PSKH2: variants seen among roughly 807,000 people sequenced by gnomAD.
PSKH2 encodes protein serine kinase H2.
PSKH2 carries 16 observed loss-of-function variants against 22.5 expected under a neutral mutation model. The ratio of observed to expected loss-of-function variants is 0.71; its 90% CI spans 0.48 to 1.08. PSKH2 has a LOEUF of 1.08. Among genes scored for constraint, PSKH2 ranks in the 50% least tolerant of loss-of-function variants. The pLI, the probability that PSKH2 is intolerant of heterozygous loss-of-function variation, is 0.00. For synonymous variants in PSKH2, 188 were observed against 184.8 expected, an observed-to-expected ratio of 1.02 and a Z score of -0.14; for missense variants, 516 against 492.8, an observed-to-expected ratio of 1.05 and a Z score of -0.44.
At chr8:86,053,434 C>T (rs866585340) in intron 2 of PSKH2, among the ~76,000 whole-genome samples, 5 of 152,140 alleles carry the variant, frequency 3.3e-5, no homozygotes, top group Non-Finnish European at 7.3e-5. Flanking sequence ...CTTTATCTAG[C>T]GGTCACACAT....
In PSKH2 at chr8:86,048,424, T is replaced by G; in HGVS notation, c.*38A>C. 6.5e-7 allele frequency: 1 copy of G among 1,534,310 alleles called. No individual in the cohort carries two copies. The highest frequency in any genetic ancestry group is 8.9e-7 in the Non-Finnish European group (1 of 1,120,594). ...GGGTGCCCTAATCATGATGAAATGG[T>G]CCTAAAATAGGCAAAAATAGTTTTA... On this transcript the variant is annotated 3_prime_UTR_variant, in exon 3 of 3. Transcript: ENST00000276616.
At position 86,047,153 on chromosome 8, in the gene PSKH2, A is replaced by G. The variant is rs1416901258; in HGVS notation, c.*1309T>C. On this transcript the variant is annotated 3_prime_UTR_variant, in exon 3 of 3. Transcript: ENST00000276616. ...TTTTATTTTCATTTTGTAAATTACA[A>G]ATGAAATGAAGCATTTTTTTCATTT... 6.6e-6 allele frequency among the ~76,000 whole-genome samples: 1 copy of G among 152,228 alleles called. No individual in the cohort carries two copies. The highest frequency in any genetic ancestry group is 1.5e-5 in the Non-Finnish European group (1 of 68,040).
chr8:86,056,978 G>A (rs1817706514), intron 2 of PSKH2, among the ~76,000 whole-genome samples: 1 of 149,736 alleles, frequency 6.7e-6, no homozygotes, highest in South Asian at 2.1e-4. Flanking sequence ...CTGTTACCCA[G>A]AAGACTGGAG....
Position 86,048,668 on chromosome 8 carries a change from G to T in PSKH2, c.952C>A (p.Pro318Thr), listed in dbSNP as rs143875162. ...CCTGCAGCCATGGTGATCACCCAGGGATGGTCCAGGGCCTGGCCAGCTGAC... is the reference window on the plus strand; with the variant it reads ...CCTGCAGCCATGGTGATCACCCAGGTATGGTCCAGGGCCTGGCCAGCTGAC... ...RMSAGQALDHPWVITMAAGSS... is the reference protein window; with the variant it reads ...RMSAGQALDHTWVITMAAGSS... The change falls in exon 3 of 3, where the codon CCC becomes ACC. Residue 318 changes from proline to threonine, a missense_variant. By Grantham distance (38) the Pro-to-Thr change is conservative. Transcript: ENST00000276616. 2.5e-6 allele frequency: 4 copies of T among 1,614,006 alleles called. No homozygotes were observed. Among genetic ancestry groups the T allele is most frequent in the Non-Finnish European group, 3.4e-6 (4 of 1,180,016 alleles).
chr8:86,048,384 G>A lies in PSKH2; in HGVS notation c.*78C>T. 9.6e-7 allele frequency: 1 copy of A among 1,038,240 alleles called. No individual in the cohort carries two copies. Among genetic ancestry groups the A allele is most frequent in the Non-Finnish European group, 1.4e-6 (1 of 696,992 alleles). 64.3% of individuals were successfully genotyped at this position (1,038,240 alleles called of 1,614,324 possible). A position where few individuals can be genotyped will look rare whatever the true frequency, so the allele number is the denominator to read the frequency against. ...ATCCAACAATACCATGGAGTCCCGT[G>A]TCTTTGGAGCTTGAGGGTGCCCTAA... On this transcript the variant is annotated 3_prime_UTR_variant, in exon 3 of 3. Coordinates refer to ENST00000276616, the MANE Select transcript of PSKH2 (RefSeq NM_033126.3).
chr8:86,063,387 CA>C (rs1462037144), intron 2 of PSKH2, among the ~76,000 whole-genome samples: 1 of 152,106 alleles, frequency 6.6e-6, no homozygotes, highest in Admixed American at 6.5e-5. Flanking sequence ...CCCAAAACAA[CA>C]AAAAAGTTAA....
At chr8:86,057,411 T>C (rs559685082) in intron 2 of PSKH2, among the ~76,000 whole-genome samples, 2 of 152,004 alleles carry the variant, frequency 1.3e-5, no homozygotes, top group South Asian at 4.2e-4. Context: ...TCTTAATCTG[T>C]CACCAGGCTG....
intron 2 of PSKH2, among the ~76,000 whole-genome samples, chr8:86,056,455 T>A (rs1417490845): frequency 6.6e-6 from 1 of 152,210 alleles, no homozygotes; most frequent in Non-Finnish European, 1.5e-5. Context: ...GATTCACAAC[T>A]CATTGATGAG....
At chr8:86,069,768 C>A, upstream of PSKH2, 1 of 866,672 alleles carries the variant, frequency 1.2e-6, no homozygotes, top group South Asian at 2.2e-5. Flanking sequence ...GGAGACAGCC[C>A]CCAGGATACC....
chr8:86,053,444 T>A (rs1279913136), intron 2 of PSKH2, among the ~76,000 whole-genome samples: 1 of 152,138 alleles, frequency 6.6e-6, no homozygotes, highest in Non-Finnish European at 1.5e-5. Context: ...CGGTCACACA[T>A]CACTTTGTGT....
At chr8:86,052,791 C>T (rs1817650952) in intron 2 of PSKH2, among the ~76,000 whole-genome samples, 1 of 152,064 alleles carries the variant, frequency 6.6e-6, no homozygotes, top group South Asian at 2.1e-4. Flanking sequence ...TTATTTTATC[C>T]CAAGATCATT....
chr8:86,058,227 T>C (rs937464527), intron 2 of PSKH2, among the ~76,000 whole-genome samples: 6 of 152,172 alleles, frequency 3.9e-5, no homozygotes, highest in African/African-American at 9.7e-5. Flanking sequence ...CCATCTGCTG[T>C]ACCTGTCTAC....
intron 2 of PSKH2, among the ~76,000 whole-genome samples, chr8:86,062,046 G>T (rs1817783954): frequency 1.3e-5 from 2 of 152,314 alleles, no homozygotes; most frequent in South Asian, 4.1e-4. Context: ...CACCATACCA[G>T]GAGAAAAGCC....
intron 1 of PSKH2, among the ~76,000 whole-genome samples, chr8:86,068,859 G>A (rs1817903985): frequency 6.6e-6 from 1 of 151,982 alleles, no homozygotes; most frequent in Non-Finnish European, 1.5e-5. Context: ...CCGAAGATAG[G>A]AATTCCTTCC....
intron 1 of PSKH2, among the ~76,000 whole-genome samples, chr8:86,065,889 G>A (rs546289380): frequency 2.3e-4 from 35 of 152,158 alleles, no homozygotes; most frequent in African/African-American, 8.2e-4. Context: ...AGGATCCCTC[G>A]AGCCCAGGAA....
intron 1 of PSKH2, among the ~76,000 whole-genome samples, chr8:86,068,354 G>A (rs1274246509): frequency 3.3e-5 from 5 of 152,160 alleles, no homozygotes; most frequent in African/African-American, 9.7e-5. Context: ...AGGGGATTCC[G>A]TGATTTACTT....
rs73688572 is a variant in PSKH2 at position 86,048,272 on chromosome 8, C to T, written c.*190G>A. On this transcript the variant is annotated 3_prime_UTR_variant, in exon 3 of 3. Coordinates refer to ENST00000276616, the MANE Select transcript of PSKH2 (RefSeq NM_033126.3). ...AGCTAGTATTTACTAAACTGTTAAT[C>T]ATTTGCAGCAGTATATTTTGGGAAA... The T allele has an allele frequency of 2.3e-3, 1,195 of 510,884 alleles. 11 individuals carry two copies. Among genetic ancestry groups the T allele is most frequent in the African/African-American group, 0.021 (1,096 of 52,716 alleles). The allele number at this position is 510,884 out of a possible 1,614,324, so 31.6% of individuals were successfully genotyped here. A position where few individuals can be genotyped will look rare whatever the true frequency, so the allele number is the denominator to read the frequency against.
chr8:86,064,656 G>A (rs1352254030), intron 1 of PSKH2, 25 bp from the exon 2 acceptor site: 5 of 1,573,356 alleles, frequency 3.2e-6, no homozygotes, highest in South Asian at 1.1e-5. Context: ...AACCAAACAT[G>A]TTATCCCCAG....
Position 86,064,346 on chromosome 8 carries a change from C to G in PSKH2, c.471G>C (p.Glu157Asp). 6.2e-7 allele frequency: 1 copy of G among 1,614,156 alleles called. No homozygotes were observed. The highest frequency in any genetic ancestry group is 8.5e-7 in the Non-Finnish European group (1 of 1,180,034). The change falls in exon 2 of 3, where the codon GAG (glutamate) becomes GAC (aspartate). Residue 157 changes from glutamate (E) to aspartate (D), a missense_variant. Physicochemically the swap from Glu to Asp is conservative, Grantham distance 45. Coordinates refer to ENST00000276616, the MANE Select transcript of PSKH2 (RefSeq NM_033126.3). ...DRLIAQGSFT[E>D]RDAVRILQMV... The stretch of plus-strand genomic sequence containing the variant: ...TCTGGAGGATCCTGACGGCATCCCG[C>G]TCTGTAAAGGATCCCTGAGCAATGA...
Sources: allele counts gnomAD v4.1 joint callset (sites outside exome capture counted in the v4.1 genomes callset), GRCh38; gene constraint gnomAD v4.1.1; transcripts MANE v1.5; gene names NCBI Gene and HGNC (gene_info 2026-07-23, HGNC 2026-07-21).